Variants in CNGB1 observed in about 807,000 individuals in gnomAD.
The protein encoded by CNGB1 is cyclic nucleotide-gated channel beta-1.
Under a neutral mutation model 151.7 loss-of-function variants are expected in CNGB1, and 126 were observed. The ratio of observed to expected loss-of-function variants is 0.83; its 90% CI spans 0.72 to 0.96. The LOEUF (loss-of-function observed/expected upper bound fraction) is 0.96. Among genes scored for constraint, CNGB1 ranks in the 40% least tolerant of loss-of-function variants. The probability of loss-of-function intolerance (pLI) is 0.00; values close to 1 mark genes in which losing one functional copy is unlikely to be tolerated. For missense variants in CNGB1, 1,698 were observed against 1,627.0 expected (o/e 1.04, Z -0.75); for synonymous variants, 623 against 635.1 (o/e 0.98, Z 0.29).
chr16:57,932,700 C>A (rs1275479635), intron 16 of CNGB1, among the ~76,000 whole-genome samples: 2 of 151,486 alleles, frequency 1.3e-5, no homozygotes, highest in African/African-American at 2.4e-5. Flanking sequence ...CCTGCCTCAG[C>A]CTCCCAATTA....
chr16:57,967,299 A>G lies in CNGB1; in HGVS notation c.-8-5T>C, dbSNP rs749402302. On this transcript the variant is annotated splice_region_variant and splice_polypyrimidine_tract_variant and intron_variant, in intron 1 of 32. Transcript: ENST00000251102. Reference sequence around the variant, plus strand: ...CCCAGCCCAACATCCTGATGCCTGTAGGAGACAGAGTCCTTAGCCCTCCCT... The same window carrying G: ...CCCAGCCCAACATCCTGATGCCTGTGGGAGACAGAGTCCTTAGCCCTCCCT... 2 of 1,614,164 alleles carry G rather than the reference A, an allele frequency of 1.2e-6. No homozygotes were observed. Among genetic ancestry groups the G allele is most frequent in the South Asian group, 1.1e-5 (1 of 91,084 alleles).
intron 23 of CNGB1, 73 bp from the exon 24 acceptor site, chr16:57,913,067 C>G: frequency 6.9e-7 from 1 of 1,453,916 alleles, no homozygotes; most frequent in Non-Finnish European, 9.6e-7. Context: ...CCACGGGCGC[C>G]GAGACTCAGG....
In CNGB1 at chr16:57,963,070, A is replaced by G. The variant is rs1230610003; in HGVS notation, c.291-6T>C. 6.2e-7 allele frequency: 1 copy of G among 1,608,052 alleles called. No homozygotes were observed. Among genetic ancestry groups the G allele is most frequent in the East Asian group, 2.2e-5 (1 of 44,852 alleles). The stretch of plus-strand genomic sequence containing the variant: ...TCAGTACCCTGCGGCTGGGACTGCG[A>G]TGGACAGAGACACCAGCCCGCCCTC... On this transcript the variant is annotated splice_polypyrimidine_tract_variant and splice_region_variant and intron_variant, in intron 4 of 32. Transcript: ENST00000251102.
At position 57,884,210 on chromosome 16, in the gene CNGB1, A is replaced by C. The variant is rs1203042589; in HGVS notation, c.3710T>G (p.Ile1237Ser). 1 of 1,613,932 alleles carries C rather than the reference A, an allele frequency of 6.2e-7. No homozygotes were observed. The highest frequency in any genetic ancestry group is 8.5e-7 in the Non-Finnish European group (1 of 1,179,896). ...TTCCTCCGGCATCTTCACCGACAGGATCTGCTCTCCCGGCTCCGGGCCCGG... is the reference window on the plus strand; with the variant it reads ...TTCCTCCGGCATCTTCACCGACAGGCTCTGCTCTCCCGGCTCCGGGCCCGG... ...MSPGPEPGEQILSVKMPEERE... is the reference protein window; with the variant it reads ...MSPGPEPGEQSLSVKMPEERE... Residue 1237 changes from isoleucine (I) to serine (S), a missense_variant, in exon 33 of 33, where the codon ATC becomes AGC. By Grantham distance (142) the Ile-to-Ser change is moderately radical (BLOSUM62 -2). Transcript: ENST00000251102.
At chr16:57,959,443 G>A (rs996840278) in intron 10 of CNGB1, among the ~76,000 whole-genome samples, 2 of 152,166 alleles carry the variant, frequency 1.3e-5, no homozygotes, top group South Asian at 4.1e-4. Context: ...GCGAAACCCC[G>A]TCTCTACTAA....
intron 14 of CNGB1, among the ~76,000 whole-genome samples, chr16:57,943,753 C>A (rs1255273177): frequency 6.6e-6 from 1 of 151,992 alleles, no homozygotes; most frequent in Non-Finnish European, 1.5e-5. Flanking sequence ...ATTCACACAG[C>A]CATTATGGAA....
At chr16:57,894,993 C>T (rs1211333454) in intron 31 of CNGB1, among the ~76,000 whole-genome samples, 2 of 152,116 alleles carry the variant, frequency 1.3e-5, no homozygotes, top group Non-Finnish European at 2.9e-5. Flanking sequence ...TCGGGCTAAA[C>T]ACAAAAGAAC....
At chr16:57,968,714 T>G (rs1029254164) in intron 1 of CNGB1, among the ~76,000 whole-genome samples, 1 of 152,110 alleles carries the variant, frequency 6.6e-6, no homozygotes, top group Non-Finnish European at 1.5e-5. Context: ...TTAACCTATG[T>G]TCATCATTTT....
intron 31 of CNGB1, 60 bp downstream of exon 31, chr16:57,897,337 A>T: frequency 6.7e-7 from 1 of 1,501,808 alleles, no homozygotes; most frequent in Non-Finnish European, 9.2e-7. Context: ...TACTGTGGTT[A>T]TGTAAGAGAA....
Position 57,911,887 on chromosome 16 carries a change from A to G in CNGB1, c.2370-12T>C, listed in dbSNP as rs2149362111. 1 of 1,613,018 alleles carries G rather than the reference A, an allele frequency of 6.2e-7. No individual in the cohort carries two copies. The stretch of plus-strand genomic sequence containing the variant: ...TGGTCCTGATGACCCTGCAGAAGGA[A>G]CACAGCGCATGAACACAGCGGCGGA... On this transcript the variant is annotated splice_polypyrimidine_tract_variant and intron_variant, in intron 24 of 32. Transcript: ENST00000251102.
intron 31 of CNGB1, 140 bp downstream of exon 31, chr16:57,897,257 A>T: frequency 1.2e-6 from 1 of 861,636 alleles, no homozygotes; most frequent in Non-Finnish European, 1.8e-6. Context: ...AGTCATGATC[A>T]CTCCACTGCA....
At chr16:57,903,539 CT>C (rs759615995) in intron 27 of CNGB1, among the ~76,000 whole-genome samples, 91 of 152,258 alleles carry the variant, frequency 6.0e-4, no homozygotes, top group Admixed American at 2.6e-4. Context: ...ACACTTCGCT[CT>C]TGGATGGGGA....
intron 27 of CNGB1, among the ~76,000 whole-genome samples, chr16:57,902,712 G>A (rs149365616): frequency 0.02 from 2,976 of 152,238 alleles, 79 homozygotes; most frequent in African/African-American, 0.063. Flanking sequence ...TCAGGCTCAA[G>A]CGATCCTCCA....
At chr16:57,945,053 G>A (rs765070278) in intron 14 of CNGB1, among the ~76,000 whole-genome samples, 14 of 151,438 alleles carry the variant, frequency 9.2e-5, no homozygotes, top group African/African-American at 2.9e-4. Context: ...CTGACAGATC[G>A]TAACTGTTAC....
rs1960459618 is a variant in CNGB1, at chr16:57,903,901, A to C, written c.2715T>G (p.Asn905Lys). Residue 905 changes from asparagine to lysine, a missense_variant, in exon 27 of 33, where the codon AAT becomes AAG. Physicochemically the swap from Asn to Lys is moderately conservative, Grantham distance 94. Transcript: ENST00000251102. ...GCACGGACTTGGGGATCTTGTAGAAATTCATGTACTTCACCGTGCTGTCCA... is the reference window on the plus strand; with the variant it reads ...GCACGGACTTGGGGATCTTGTAGAACTTCATGTACTTCACCGTGCTGTCCA... ...SCMDSTVKYM[N>K]FYKIPKSVQN... The C allele has an allele frequency of 6.2e-7, 1 of 1,614,170 alleles. No individual in the cohort carries two copies. The highest frequency in any genetic ancestry group is 1.3e-5 in the African/African-American group (1 of 75,052).
At chr16:57,932,945 C>T (rs1961399085) in intron 16 of CNGB1, among the ~76,000 whole-genome samples, 3 of 143,818 alleles carry the variant, frequency 2.1e-5, no homozygotes, top group Admixed American at 6.9e-5. Flanking sequence ...GGGCGGGTCT[C>T]ACTCTGTCAC....
In CNGB1 at chr16:57,970,653, A is replaced by C. The variant is rs988438009; in HGVS notation, c.-9+407T>G. On this transcript the variant is annotated intron_variant, in intron 1 of 32. Transcript: ENST00000251102. ...ACTAAGGAAGCCTCCCCGATCCCCC[A>C]TTTTTCTTTTTCCTCCTAAATGAGA... is the stretch of plus-strand genomic sequence containing the variant. 5.3e-5 allele frequency among the ~76,000 whole-genome samples: 8 copies of C among 151,626 alleles called. No individual in the cohort carries two copies. In the South Asian group the frequency reaches 1.7e-3, roughly 32 times the overall value.
At chr16:57,948,967 T>C (rs1036910951) in intron 14 of CNGB1, among the ~76,000 whole-genome samples, 1 of 152,106 alleles carries the variant, frequency 6.6e-6, no homozygotes, top group Non-Finnish European at 1.5e-5. Flanking sequence ...GCCTTGGCTT[T>C]GTGAATAAAG....
chr16:57,903,744 C>T lies in CNGB1; in HGVS notation c.2794+78G>A, dbSNP rs751610559. 1.6e-5 allele frequency: 24 copies of T among 1,547,918 alleles called. 1 individual carries two copies. Among genetic ancestry groups the T allele is most frequent in the South Asian group, 1.2e-4 (11 of 88,424 alleles). Reference sequence around the variant, plus strand: ...AGAGACACAGAGGACGAGGGAGGCGCCCCGAAGGCATGGCACCGGGCACCA... The same window carrying T: ...AGAGACACAGAGGACGAGGGAGGCGTCCCGAAGGCATGGCACCGGGCACCA... On this transcript the variant is annotated intron_variant, in intron 27 of 32. Transcript: ENST00000251102.
Sources: allele counts gnomAD v4.1 joint callset (sites outside exome capture counted in the v4.1 genomes callset), GRCh38; gene constraint gnomAD v4.1.1; transcripts MANE v1.5; gene names NCBI Gene and HGNC (gene_info 2026-07-23, HGNC 2026-07-21).